The following EPN2 variants were observed in gnomAD, a reference collection of about 807,000 sequenced individuals.
The protein encoded by EPN2 is epsin-2.
In EPN2, 34 loss-of-function variants were observed where a neutral mutation model predicts 61.7. The ratio of observed to expected loss-of-function variants is 0.55; its 90% CI spans 0.42 to 0.73. The LOEUF (loss-of-function observed/expected upper bound fraction) is 0.73. EPN2 is among the 30% of genes least tolerant of loss of function. EPN2 has a pLI of 0.00. For missense variants in EPN2, 714 were observed against 839.2 expected, an observed-to-expected ratio of 0.85 and a Z score of 1.84; for synonymous variants, 349 against 353.6, an observed-to-expected ratio of 0.99 and a Z score of 0.15.
At chr17:19,250,482 A>G (rs1023361332) in intron 1 of EPN2, among the ~76,000 whole-genome samples, 3 of 152,166 alleles carry the variant, frequency 2.0e-5, no homozygotes, top group African/African-American at 7.2e-5. Flanking sequence ...AGATGTGGTT[A>G]TCTTTGGGAG....
chr17:19,309,141 T>A (rs572913174), intron 4 of EPN2, among the ~76,000 whole-genome samples: 2 of 148,984 alleles, frequency 1.3e-5, no homozygotes, highest in South Asian at 4.4e-4. Flanking sequence ...AAAGGTCAAC[T>A]CTTTTTTTTT....
intron 1 of EPN2, among the ~76,000 whole-genome samples, chr17:19,258,718 A>G (rs2045108580): frequency 1.3e-5 from 2 of 152,192 alleles, no homozygotes; most frequent in African/African-American, 4.8e-5. Context: ...CTTGGCGTCG[A>G]TGCTGCGTGT....
At chr17:19,267,927 GT>G (rs2045216569) in intron 1 of EPN2, among the ~76,000 whole-genome samples, 1 of 152,190 alleles carries the variant, frequency 6.6e-6, no homozygotes, top group African/African-American at 2.4e-5. Context: ...GTTAGTCATT[GT>G]TACTATTGAG....
chr17:19,302,134 A>G (rs114367776), intron 4 of EPN2, among the ~76,000 whole-genome samples: 361 of 152,290 alleles, frequency 2.4e-3, no homozygotes, highest in African/African-American at 8.5e-3. Flanking sequence ...TGGCCTTGGG[A>G]CAGTCACTGC....
intron 7 of EPN2, among the ~76,000 whole-genome samples, chr17:19,322,380 C>G (rs990753304): frequency 6.6e-6 from 1 of 152,204 alleles, no homozygotes; most frequent in Admixed American, 6.5e-5. Flanking sequence ...CACTCTCCTC[C>G]TCTCCCTCCT....
intron 1 of EPN2, among the ~76,000 whole-genome samples, chr17:19,270,014 G>C (rs1285142929): frequency 6.6e-6 from 1 of 152,132 alleles, no homozygotes; most frequent in Non-Finnish European, 1.5e-5. Flanking sequence ...ATAAGAATAG[G>C]GATTAAGAGG....
chr17:19,320,693 A>G (rs1322772482), intron 7 of EPN2, among the ~76,000 whole-genome samples: 1 of 152,188 alleles, frequency 6.6e-6, no homozygotes, highest in Non-Finnish European at 1.5e-5. Flanking sequence ...GTGCATGAAT[A>G]CCACTCAGTC....
At chr17:19,269,422 A>G (rs1191241459) in intron 1 of EPN2, among the ~76,000 whole-genome samples, 1 of 152,244 alleles carries the variant, frequency 6.6e-6, no homozygotes, top group Non-Finnish European at 1.5e-5. Flanking sequence ...TCAAAGGAAC[A>G]GTGCAGGTTT....
At chr17:19,247,714 AG>A (rs149363674) in intron 1 of EPN2, among the ~76,000 whole-genome samples, 11,705 of 152,220 alleles carry the variant, frequency 0.077, 1,550 homozygotes, top group African/African-American at 0.27. Context: ...GGAGCAGGGT[AG>A]GTCTTGAGTG....
chr17:19,272,397 TCTA>T (rs1334203060), intron 1 of EPN2, among the ~76,000 whole-genome samples: 1 of 152,134 alleles, frequency 6.6e-6, no homozygotes, highest in Non-Finnish European at 1.5e-5. Context: ...TGGCTGGAAT[TCTA>T]CTCCCTCAGT....
At chr17:19,317,798 T>C (rs1906458195) in intron 7 of EPN2, among the ~76,000 whole-genome samples, 1 of 152,188 alleles carries the variant, frequency 6.6e-6, no homozygotes, top group Non-Finnish European at 1.5e-5. Context: ...GCGGATCTAC[T>C]GTCCATTCAT....
At chr17:19,325,852 A>C (rs1906842800) in intron 7 of EPN2, among the ~76,000 whole-genome samples, 1 of 152,218 alleles carries the variant, frequency 6.6e-6, no homozygotes, top group Non-Finnish European at 1.5e-5. Context: ...AAGTTATTAG[A>C]ATTAAGAATT....
chr17:19,305,399 A>G (rs1905787820), intron 4 of EPN2, among the ~76,000 whole-genome samples: 2 of 152,066 alleles, frequency 1.3e-5, no homozygotes, highest in Admixed American at 6.6e-5. Context: ...CTGTGACATC[A>G]TTACAAGCAT....
Position 19,285,256 on chromosome 17 carries a change from G to T in EPN2, c.596-364G>T, listed in dbSNP as rs1488588054. 1.3e-5 allele frequency among the ~76,000 whole-genome samples: 2 copies of T among 152,224 alleles called. No homozygotes were observed. The highest frequency in any genetic ancestry group is 4.8e-5 in the African/African-American group (2 of 41,456). On this transcript the variant is annotated intron_variant, in intron 3 of 10. Coordinates refer to ENST00000314728, the MANE Select transcript of EPN2 (RefSeq NM_014964.5). This position sits in a 1 kb window ranked among gnomAD's most constrained non-coding sequence, Gnocchi z 4.5. ...GGATGCTAAGCAAGGAGCTGAAACA[G>T]CTTCATGTTCCATGAACAATTTGTG...
chr17:19,297,941 A>G (rs1344026619), intron 4 of EPN2, among the ~76,000 whole-genome samples: 2 of 152,116 alleles, frequency 1.3e-5, no homozygotes, highest in Non-Finnish European at 2.9e-5. Flanking sequence ...CAGTGGCACG[A>G]TCTCGGCTCA....
chr17:19,328,723 C>T lies in EPN2; in HGVS notation c.1160C>T (p.Ala387Val). 4 of 1,607,686 alleles carry T rather than the reference C, an allele frequency of 2.5e-6. No homozygotes were observed. The highest frequency in any genetic ancestry group is 1.1e-5 in the South Asian group (1 of 90,118). ...DPWPSFGTKP[A>V]ASIDPWGVPT... ...TGCCTTCCAACAGGTACCAAGCCAG[C>T]TGCCTCCATTGACCCATGGGGGGTG... The change falls in exon 8 of 11, where the codon GCT becomes GTT. Residue 387 changes from alanine to valine, a missense_variant. Ala to Val is a moderately conservative substitution (Grantham distance 64). This residue lies in a region of EPN2 where 410 missense variants were observed against 421.8 expected (regional missense o/e 0.97). Transcript: ENST00000314728.
intron 1 of EPN2, among the ~76,000 whole-genome samples, chr17:19,254,066 A>G (rs887851072): frequency 6.6e-6 from 1 of 151,642 alleles, no homozygotes; most frequent in African/African-American, 2.4e-5. Context: ...CAGGAGGCGG[A>G]GGTAGCAGTG....
At chr17:19,316,560 A>T (rs1446977065) in intron 7 of EPN2, among the ~76,000 whole-genome samples, 1 of 152,232 alleles carries the variant, frequency 6.6e-6, no homozygotes, top group Non-Finnish European at 1.5e-5. Context: ...ACAAATTCCA[A>T]TATGGAGAGA....
intron 1 of EPN2, among the ~76,000 whole-genome samples, chr17:19,241,352 A>G (rs1054502405): frequency 3.9e-5 from 6 of 152,190 alleles, no homozygotes; most frequent in African/African-American, 1.2e-4. Flanking sequence ...TGGGAGGCCA[A>G]AGCGGCCGGA....
Sources: allele counts gnomAD v4.1 joint callset (sites outside exome capture counted in the v4.1 genomes callset), GRCh38; gene constraint gnomAD v4.1.1; regional missense constraint gnomAD v4.1.1; non-coding constraint Gnocchi (gnomAD v3.1); transcripts MANE v1.5; gene names NCBI Gene and HGNC (gene_info 2026-07-23, HGNC 2026-07-21).